Variants in FBXL2 observed in about 807,000 individuals in gnomAD.
FBXL2 encodes the protein F-box and leucine rich repeat protein 2.
A neutral mutation model predicts 69.2 loss-of-function variants in FBXL2; 38 were observed. That is an observed-to-expected ratio of 0.55 (90% CI 0.42 to 0.72). FBXL2 has a LOEUF of 0.72. FBXL2 is among the 30% of genes least tolerant of loss of function. The pLI is 0.00. For synonymous variants in FBXL2, 192 were observed against 201.3 expected, an observed-to-expected ratio of 0.95 and a Z score of 0.39; for missense variants, 354 against 520.3, an observed-to-expected ratio of 0.68 and a Z score of 3.11.
chr3:33,392,662 G>C, downstream of FBXL2: 1 of 1,524,624 alleles, frequency 6.6e-7, no homozygotes, highest in South Asian at 1.2e-5. Flanking sequence ...TCCAACTGTC[G>C]TTTCTTAAAA....
At chr3:33,339,017 A>G (rs2039804559) in intron 2 of FBXL2, among the ~76,000 whole-genome samples, 1 of 152,222 alleles carries the variant, frequency 6.6e-6, no homozygotes, top group African/African-American at 2.4e-5. Flanking sequence ...AAATATTTGC[A>G]AACTATGCAC....
intron 5 of FBXL2, among the ~76,000 whole-genome samples, chr3:33,369,508 C>T (rs943761125): frequency 1.3e-5 from 2 of 152,112 alleles, no homozygotes; most frequent in African/African-American, 2.4e-5. Context: ...TTCCACTTCT[C>T]CTCACTCGGT....
chr3:33,324,952 A>T (rs1038682558), intron 2 of FBXL2, among the ~76,000 whole-genome samples: 4 of 151,978 alleles, frequency 2.6e-5, no homozygotes, highest in African/African-American at 9.7e-5. Context: ...ATGTTTTTTC[A>T]TTTGTTTGTG....
At chr3:33,383,823 CAT>C (rs1206381157) in intron 13 of FBXL2, 164 bp from the exon 14 acceptor site, 1 of 611,638 alleles carries the variant, frequency 1.6e-6, no homozygotes, top group East Asian at 2.8e-5. Context: ...AGAAACTTCT[CAT>C]AGTTCTGAAG....
the FBXL2 span, among the ~76,000 whole-genome samples, chr3:33,419,164 G>T: frequency 6.6e-6 from 1 of 152,146 alleles, no homozygotes; most frequent in Admixed American, 6.5e-5. Flanking sequence ...ACCATTTCCT[G>T]ACCTCAAAGA....
In FBXL2 at chr3:33,330,989, A is replaced by AAT. The variant is rs1018205033; in HGVS notation, c.66-27969_66-27968dup. The stretch of plus-strand genomic sequence containing the variant: ...AAAATATTCTATGTTGTATATATAT[A>AAT]ATATATATATCTTACATGTACCTGA... On this transcript the variant is annotated intron_variant, in intron 2 of 14. Transcript: ENST00000484457. 1.2e-4 allele frequency among the ~76,000 whole-genome samples: 18 copies of AAT among 150,720 alleles called. No individual in the cohort carries two copies. The South Asian group carries it at 1.5e-3, about 12-fold the overall frequency.
downstream of FBXL2, chr3:33,408,607 T>C: frequency 8.6e-7 from 1 of 1,161,036 alleles, no homozygotes; most frequent in African/African-American, 1.6e-5. Flanking sequence ...AATTTTGGCT[T>C]TACTTTGCGG....
Position 33,277,479 on chromosome 3 carries a change from T to C in FBXL2, c.-34T>C. 1 of 1,287,544 alleles carries C rather than the reference T, an allele frequency of 7.8e-7. No individual in the cohort carries two copies. The highest frequency in any genetic ancestry group is 9.9e-7 in the Non-Finnish European group (1 of 1,010,004). The allele number at this position is 1,287,544 out of a possible 1,614,324, so 79.8% of individuals were successfully genotyped here. ...ACGGGCGTCGCCGGCGCCGTGTGAC[T>C]TCGGGCTGTGGGCTCGCTCGCGGCT... On this transcript the variant is annotated 5_prime_UTR_variant, in exon 1 of 15. Coordinates refer to ENST00000484457, the MANE Select transcript of FBXL2 (RefSeq NM_012157.5).
chr3:33,350,430 A>AT (rs1377143386), intron 2 of FBXL2, among the ~76,000 whole-genome samples: 2 of 138,414 alleles, frequency 1.4e-5, no homozygotes, highest in African/African-American at 5.5e-5. Context: ...AGCTAACATC[A>AT]TAATTTTTTT....
At chr3:33,372,659 T>C (rs1238662324) in intron 5 of FBXL2, 2 of 193,694 alleles carry the variant, frequency 1.0e-5, no homozygotes, top group Non-Finnish European at 2.1e-5. Flanking sequence ...AAATGGTTTC[T>C]CTGGAAAGGC....
intron 2 of FBXL2, among the ~76,000 whole-genome samples, chr3:33,347,426 G>A (rs530247977): frequency 9.8e-5 from 15 of 152,308 alleles, no homozygotes; most frequent in African/African-American, 3.4e-4. Context: ...TCTGCTGATG[G>A]ACACTTAAGT....
At chr3:33,384,802 A>G (rs543109018) in intron 14 of FBXL2, among the ~76,000 whole-genome samples, 111 of 152,218 alleles carry the variant, frequency 7.3e-4, no homozygotes, top group Non-Finnish European at 2.2e-4. Flanking sequence ...GCACTTTGGG[A>G]GGCCGAGGCG....
intron 1 of FBXL2, chr3:33,289,916 A>G (rs192385784): frequency 1.9e-4 from 66 of 339,058 alleles, no homozygotes; most frequent in South Asian, 1.4e-3. Context: ...GCATGGCAAG[A>G]CAGCTAAGAA....
At chr3:33,400,049 A>AT (rs568314542) in intron 12 of FBXL2, 72 of 475,150 alleles carry the variant, frequency 1.5e-4, no homozygotes, top group Non-Finnish European at 2.4e-4. Context: ...GGGGATAGAT[A>AT]TAAAGAACTT....
At chr3:33,413,996 A>G in the FBXL2 span, among the ~76,000 whole-genome samples, 1 of 152,242 alleles carries the variant, frequency 6.6e-6, no homozygotes, top group African/African-American at 2.4e-5. Context: ...AGTAAGAACC[A>G]TACTAACTAC....
intron 2 of FBXL2, among the ~76,000 whole-genome samples, chr3:33,354,617 A>G (rs2041070266): frequency 1.3e-5 from 2 of 152,192 alleles, no homozygotes; most frequent in Non-Finnish European, 2.9e-5. Flanking sequence ...GAATTATAAA[A>G]TAATTGAAAG....
chr3:33,383,814 G>T, intron 13 of FBXL2, 175 bp from the exon 14 acceptor site: 1 of 603,358 alleles, frequency 1.7e-6, no homozygotes, highest in Non-Finnish European at 2.9e-6. Context: ...GTAATGAACA[G>T]AAACTTCTCA....
At chr3:33,412,016 G>A in the FBXL2 span, among the ~76,000 whole-genome samples, 4 of 151,874 alleles carry the variant, frequency 2.6e-5, no homozygotes, top group East Asian at 1.9e-4. Context: ...GTGAAACCCC[G>A]TCTCTACTAA....
In FBXL2 at chr3:33,322,279, C is replaced by T. The variant is rs2038300444; in HGVS notation, c.65+24554C>T. Among the ~76,000 whole-genome samples, 6 of 151,868 alleles carry T rather than the reference C, an allele frequency of 4.0e-5. No individual in the cohort carries two copies. The South Asian group carries it at 8.4e-4, about 21-fold the overall frequency. ...ATTTTTAGTACAGACAGGGTTTTAC[C>T]GTGTTAGCCACAGTGGTCTTGATCT... On this transcript the variant is annotated intron_variant, in intron 2 of 14. Coordinates refer to ENST00000484457, the MANE Select transcript of FBXL2 (RefSeq NM_012157.5).
Sources: allele counts gnomAD v4.1 joint callset (sites outside exome capture counted in the v4.1 genomes callset), GRCh38; gene constraint gnomAD v4.1.1; transcripts MANE v1.5; gene names NCBI Gene and HGNC (gene_info 2026-07-23, HGNC 2026-07-21).